SAMD4A: variants seen among roughly 807,000 people sequenced by gnomAD.
SAMD4A encodes the protein protein Smaug homolog 1.
In SAMD4A, 33 loss-of-function variants were observed where a neutral mutation model predicts 81.3. The observed-to-expected ratio is 0.41, with a 90% CI of 0.31 to 0.54. SAMD4A has a LOEUF of 0.54. SAMD4A is among the 20% of genes least tolerant of loss of function. The pLI, the probability that SAMD4A is intolerant of heterozygous loss-of-function variation, is 0.37. For synonymous variants in SAMD4A, 389 were observed against 382.1 expected, an observed-to-expected ratio of 1.02 and a Z score of -0.21; for missense variants, 854 against 951.1, an observed-to-expected ratio of 0.90 and a Z score of 1.34.
chr14:54,604,340 A>G (rs1374495060), intron 2 of SAMD4A, among the ~76,000 whole-genome samples: 1 of 152,224 alleles, frequency 6.6e-6, no homozygotes, highest in African/African-American at 2.4e-5. Flanking sequence ...TTTATTGAAG[A>G]ACCACAAATT....
chr14:54,775,459 C>G (rs182038426), intron 10 of SAMD4A, among the ~76,000 whole-genome samples: 1 of 152,292 alleles, frequency 6.6e-6, no homozygotes, highest in Admixed American at 6.5e-5. Flanking sequence ...TCCAGGAGAG[C>G]CTGGCATTTA....
chr14:54,738,079 T>C (rs1239697398), intron 4 of SAMD4A, among the ~76,000 whole-genome samples: 2 of 152,250 alleles, frequency 1.3e-5, no homozygotes, highest in African/African-American at 2.4e-5. Context: ...TAGGCAAAGA[T>C]GCACATTCAG....
intron 8 of SAMD4A, among the ~76,000 whole-genome samples, chr14:54,765,135 G>A (rs997547703): frequency 7.2e-5 from 11 of 152,128 alleles, no homozygotes; most frequent in Admixed American, 5.9e-4. Context: ...CTAGGCAGCC[G>A]TCAGCACTGG....
intron 2 of SAMD4A, among the ~76,000 whole-genome samples, chr14:54,619,805 G>T (rs1029575472): frequency 2.0e-5 from 3 of 152,278 alleles, no homozygotes; most frequent in Admixed American, 6.5e-5. Flanking sequence ...CCATGTTCCT[G>T]CGAAGGACAT....
intron 2 of SAMD4A, among the ~76,000 whole-genome samples, chr14:54,581,100 T>TA (rs1453641064): frequency 6.6e-6 from 1 of 152,228 alleles, no homozygotes; most frequent in Non-Finnish European, 1.5e-5. Flanking sequence ...TGTTACCTTG[T>TA]AAAAATTATT....
At chr14:54,635,962 T>G (rs1311003231) in intron 2 of SAMD4A, among the ~76,000 whole-genome samples, 2 of 152,176 alleles carry the variant, frequency 1.3e-5, no homozygotes, top group Non-Finnish European at 2.9e-5. Flanking sequence ...AAAGATCCTT[T>G]CCCTCGTGGA....
chr14:54,783,261 A>C (rs1015509534), intron 11 of SAMD4A, among the ~76,000 whole-genome samples: 1 of 151,950 alleles, frequency 6.6e-6, no homozygotes, highest in South Asian at 2.1e-4. Context: ...GACATGTATG[A>C]GGCAGAAGGC....
At chr14:54,756,158 T>C (rs2038233004) in intron 6 of SAMD4A, among the ~76,000 whole-genome samples, 1 of 152,170 alleles carries the variant, frequency 6.6e-6, no homozygotes, top group Non-Finnish European at 1.5e-5. Flanking sequence ...GTAAGGTGCA[T>C]TGTATACTTT....
chr14:54,608,609 G>A (rs773503612), intron 2 of SAMD4A, among the ~76,000 whole-genome samples: 6 of 152,210 alleles, frequency 3.9e-5, no homozygotes, highest in Non-Finnish European at 7.3e-5. Context: ...CTGGCACATA[G>A]TAGGTTATTG....
At chr14:54,699,896 C>T (rs2036669317) in intron 2 of SAMD4A, among the ~76,000 whole-genome samples, 1 of 152,004 alleles carries the variant, frequency 6.6e-6, no homozygotes, top group Non-Finnish European at 1.5e-5. Context: ...ATCTTAATCT[C>T]TCCTGCTTCG....
At chr14:54,609,612 G>A (rs11158017) in intron 2 of SAMD4A, among the ~76,000 whole-genome samples, 111,993 of 152,136 alleles carry the variant, frequency 0.74, 41,347 homozygotes, top group East Asian at 0.85. Flanking sequence ...AATTTATGAC[G>A]TCTGGAAAGG....
intron 11 of SAMD4A, among the ~76,000 whole-genome samples, chr14:54,777,197 A>AT (rs1555353843): frequency 2.5e-4 from 37 of 146,324 alleles, no homozygotes; most frequent in African/African-American, 9.3e-4. Context: ...ATCTGGATGG[A>AT]CCCCCCCCCA....
chr14:54,775,660 A>G (rs2038824452), intron 10 of SAMD4A, among the ~76,000 whole-genome samples: 2 of 151,924 alleles, frequency 1.3e-5, no homozygotes, highest in Admixed American at 6.6e-5. Flanking sequence ...ATACCCCTCT[A>G]GCCCCAGGCC....
At chr14:54,697,515 G>A (rs894932526) in intron 2 of SAMD4A, among the ~76,000 whole-genome samples, 2 of 152,160 alleles carry the variant, frequency 1.3e-5, no homozygotes, top group African/African-American at 2.4e-5. Flanking sequence ...TGGTCCAAAG[G>A]TTGTTTTGTG....
At chr14:54,656,547 G>C in intron 2 of SAMD4A, among the ~76,000 whole-genome samples, 1 of 152,174 alleles carries the variant, frequency 6.6e-6, no homozygotes, top group Non-Finnish European at 1.5e-5. Flanking sequence ...AAGATGCCGA[G>C]ATACTTACAC....
chr14:54,717,465 T>G (rs571653525), intron 3 of SAMD4A, among the ~76,000 whole-genome samples: 1 of 151,244 alleles, frequency 6.6e-6, no homozygotes, highest in South Asian at 2.1e-4. Flanking sequence ...AAGAAAGAAA[T>G]TTTTTTCATG....
At chr14:54,582,135 G>A (rs964839946) in intron 2 of SAMD4A, among the ~76,000 whole-genome samples, 45 of 152,220 alleles carry the variant, frequency 3.0e-4, no homozygotes, top group African/African-American at 9.9e-4. Flanking sequence ...AGCCTCATGT[G>A]TGATTCTGAT....
chr14:54,576,826 C>T (rs959006708), intron 2 of SAMD4A, among the ~76,000 whole-genome samples: 2 of 152,104 alleles, frequency 1.3e-5, no homozygotes, highest in African/African-American at 4.8e-5. Flanking sequence ...CTGTTACAGG[C>T]CTGTCTCCAG....
At position 54,606,208 on chromosome 14, in the gene SAMD4A, T is replaced by TGC. The variant is rs1555335572; in HGVS notation, c.196+38097_196+38098insCG. Among the ~76,000 whole-genome samples the TGC allele has an allele frequency of 4.8e-3, 709 of 148,624 alleles. 12 individuals are homozygous for TGC. Among genetic ancestry groups the TGC allele is most frequent in the African/African-American group, 0.014 (542 of 38,862 alleles). On this transcript the variant is annotated intron_variant, in intron 2 of 12. Coordinates refer to ENST00000554335, the MANE Select transcript of SAMD4A (RefSeq NM_015589.6). ...CTGTGTGTGTGTGTGTGTGTGTGTG[T>TGC]GTGTGCGTGCACGTGCACGTGCACG...
Sources: allele counts gnomAD v4.1 joint callset (sites outside exome capture counted in the v4.1 genomes callset), GRCh38; gene constraint gnomAD v4.1.1; transcripts MANE v1.5; gene names NCBI Gene and HGNC (gene_info 2026-07-23, HGNC 2026-07-21).